CDH4: variants seen among roughly 807,000 people sequenced by gnomAD.
CDH4 encodes cadherin 4, also known as cadherin-4.
A neutral mutation model predicts 86.0 loss-of-function variants in CDH4; 33 were observed. That is an observed-to-expected ratio of 0.38 (90% CI 0.29 to 0.51). The LOEUF (loss-of-function observed/expected upper bound fraction) is 0.51, where lower values mean the gene tolerates loss of function less well. Among genes scored for constraint, CDH4 ranks in the 20% least tolerant of loss-of-function variants. CDH4 has a pLI of 0.86. For synonymous variants in CDH4, 555 were observed against 549.4 expected, an observed-to-expected ratio of 1.01 and a Z score of -0.14; for missense variants, 1,114 against 1,307.4, an observed-to-expected ratio of 0.85 and a Z score of 2.28.
rs544369672 is a variant in CDH4, at chr20:61,879,610, G to A, written c.1050+5710G>A. On this transcript the variant is annotated intron_variant, in intron 7 of 15. Transcript: ENST00000614565. This position sits in a 1 kb window ranked among gnomAD's most constrained non-coding sequence, Gnocchi z 4.1. ...CTTCGATAAGACCTGAGCGGTTCAA[G>A]TGTCTCTCGTGTACCAGCCGAAGAT... Among the ~76,000 whole-genome samples the A allele has an allele frequency of 1.3e-5, 2 of 152,286 alleles. No homozygotes were observed. Among genetic ancestry groups the A allele is most frequent in the African/African-American group, 2.4e-5 (1 of 41,566 alleles).
chr20:61,637,151 AATC>A (rs1441352298), intron 2 of CDH4, among the ~76,000 whole-genome samples: 2 of 152,206 alleles, frequency 1.3e-5, no homozygotes, highest in Non-Finnish European at 2.9e-5. Flanking sequence ...TGAAATATGT[AATC>A]ATGATTCATG....
At chr20:61,403,612 A>G (rs1259129781) in intron 2 of CDH4, among the ~76,000 whole-genome samples, 2 of 152,010 alleles carry the variant, frequency 1.3e-5, no homozygotes, top group African/African-American at 4.8e-5. Context: ...TTTTTCCCTG[A>G]CTTTGTTTCT....
At chr20:61,301,914 A>T (rs1273597803) in intron 2 of CDH4, among the ~76,000 whole-genome samples, 1 of 152,254 alleles carries the variant, frequency 6.6e-6, no homozygotes, top group African/African-American at 2.4e-5. Flanking sequence ...TTGGGATTTC[A>T]TTAACAACCG....
chr20:61,321,928 A>G (rs1462925776), intron 2 of CDH4, among the ~76,000 whole-genome samples: 2 of 151,240 alleles, frequency 1.3e-5, no homozygotes, highest in African/African-American at 4.9e-5. Context: ...TGTAGCATAT[A>G]TTATAATAAT....
intron 2 of CDH4, chr20:61,738,189 G>A (rs1435728157): frequency 6.6e-6 from 1 of 152,304 alleles, no homozygotes; most frequent in Non-Finnish European, 1.5e-5. Flanking sequence ...AGAGGCAAGG[G>A]AGGCTCCGAC....
intron 2 of CDH4, among the ~76,000 whole-genome samples, chr20:61,455,474 T>C (rs969595022): frequency 3.3e-5 from 5 of 152,244 alleles, no homozygotes; most frequent in African/African-American, 9.6e-5. Context: ...TCTGTGCATA[T>C]GGCAATCGCA....
At chr20:61,645,036 G>A (rs2087047889) in intron 2 of CDH4, among the ~76,000 whole-genome samples, 1 of 152,164 alleles carries the variant, frequency 6.6e-6, no homozygotes, top group Admixed American at 6.5e-5. Flanking sequence ...CTTCTTACAA[G>A]GTCACTCATC....
At chr20:61,714,572 C>CT (rs992680548) in intron 2 of CDH4, among the ~76,000 whole-genome samples, 3 of 152,174 alleles carry the variant, frequency 2.0e-5, no homozygotes, top group African/African-American at 4.8e-5. Flanking sequence ...ACACTCCCCT[C>CT]TTCTGGGTCT....
At chr20:61,288,345 A>G (rs530929938) in intron 2 of CDH4, among the ~76,000 whole-genome samples, 2 of 152,342 alleles carry the variant, frequency 1.3e-5, no homozygotes, top group East Asian at 3.9e-4. Flanking sequence ...CGCTCTTGGC[A>G]GACAACCTAA....
intron 2 of CDH4, among the ~76,000 whole-genome samples, chr20:61,652,938 AT>A (rs763918382): frequency 0.014 from 1,405 of 97,444 alleles, 63 homozygotes; most frequent in Non-Finnish European, 0.023. Flanking sequence ...TTATTTATTT[AT>A]TTTTTTTTTT....
At chr20:61,471,755 T>C (rs1477149574) in intron 2 of CDH4, among the ~76,000 whole-genome samples, 1 of 152,178 alleles carries the variant, frequency 6.6e-6, no homozygotes, top group Non-Finnish European at 1.5e-5. Flanking sequence ...TCTTAATTTC[T>C]TCATTGCCCA....
At chr20:61,696,758 C>T (rs1369146899) in intron 2 of CDH4, among the ~76,000 whole-genome samples, 2 of 152,208 alleles carry the variant, frequency 1.3e-5, no homozygotes, top group Admixed American at 1.3e-4. Flanking sequence ...AACATACATC[C>T]ATGTCCTCAC....
At chr20:61,853,464 C>T (rs1568850476) in intron 6 of CDH4, among the ~76,000 whole-genome samples, 1 of 152,180 alleles carries the variant, frequency 6.6e-6, no homozygotes, top group African/African-American at 2.4e-5. Context: ...TGTCTGCTCC[C>T]CTCAGAGCTG....
intron 2 of CDH4, among the ~76,000 whole-genome samples, chr20:61,494,647 A>AT (rs1313670744): frequency 1.3e-5 from 2 of 152,266 alleles, no homozygotes; most frequent in African/African-American, 2.4e-5. Context: ...AACTTGAATT[A>AT]TTCTCTAATA....
At chr20:61,600,961 T>C (rs1430131621) in intron 2 of CDH4, among the ~76,000 whole-genome samples, 3 of 152,208 alleles carry the variant, frequency 2.0e-5, no homozygotes, top group African/African-American at 7.2e-5. Flanking sequence ...GGCGAGCTCC[T>C]ACTCAGCCTT....
chr20:61,540,277 A>T (rs2086030368), intron 2 of CDH4, among the ~76,000 whole-genome samples: 1 of 152,240 alleles, frequency 6.6e-6, no homozygotes, highest in Non-Finnish European at 1.5e-5. Context: ...ATTGAAAGAA[A>T]AAAAAATTAC....
At chr20:61,397,423 C>T (rs909250751) in intron 2 of CDH4, among the ~76,000 whole-genome samples, 4 of 144,520 alleles carry the variant, frequency 2.8e-5, no homozygotes, top group South Asian at 2.2e-4. Context: ...GGCTTCCTTG[C>T]GCATATCACA....
chr20:61,693,942 G>T lies in CDH4; in HGVS notation c.170-49621G>T, dbSNP rs1020584134. 4.2e-5 allele frequency among the ~76,000 whole-genome samples: 6 copies of T among 143,286 alleles called. No individual in the cohort carries two copies. The South Asian group carries it at 1.1e-3, about 26-fold the overall frequency. The allele number at this position is 143,286 out of a possible 152,430, so 94.0% of individuals were successfully genotyped here. On this transcript the variant is annotated intron_variant, in intron 2 of 15. Transcript: ENST00000614565. ...GAGTCTTGCTCTGTTGCCCAGGCTG[G>T]AGTGCAGTGGTGCAAACTTGGCTCA... is the stretch of plus-strand genomic sequence containing the variant.
intron 2 of CDH4, among the ~76,000 whole-genome samples, chr20:61,721,892 G>C (rs960338090): frequency 1.3e-5 from 2 of 152,128 alleles, no homozygotes; most frequent in Non-Finnish European, 2.9e-5. Context: ...CCCTTCCCTG[G>C]CTGTGGGAGG....
Sources: allele counts gnomAD v4.1 joint callset (sites outside exome capture counted in the v4.1 genomes callset), GRCh38; gene constraint gnomAD v4.1.1; non-coding constraint Gnocchi (gnomAD v3.1); transcripts MANE v1.5; gene names NCBI Gene and HGNC (gene_info 2026-07-23, HGNC 2026-07-21).